The following AKT3 variants were observed in gnomAD, a reference collection of about 807,000 sequenced individuals.
AKT3 encodes the protein RAC-gamma serine/threonine-protein kinase.
A neutral mutation model predicts 65.3 loss-of-function variants in AKT3; 15 were observed. That is an observed-to-expected ratio of 0.23 (90% confidence interval 0.15 to 0.35). The LOEUF (loss-of-function observed/expected upper bound fraction) is 0.35, where lower values mean the gene tolerates loss of function less well. Among genes scored for constraint, AKT3 ranks in the 10% least tolerant of loss-of-function variants. The probability of loss-of-function intolerance (pLI) is 1.00; values close to 1 mark genes in which losing one functional copy is unlikely to be tolerated. For synonymous variants in AKT3, 206 were observed against 183.8 expected (o/e 1.12, Z -0.98); for missense variants, 243 against 576.5 (o/e 0.42, Z 5.92).
At position 243,815,235 on chromosome 1, in the gene AKT3, A is replaced by C. The variant is rs550990136; in HGVS notation, c.46+27890T>G. On this transcript the variant is annotated intron_variant, in intron 2 of 13. Transcript: ENST00000673466. The stretch of plus-strand genomic sequence containing the variant: ...CTTTTACATTTTATACATAAGTAGC[A>C]AGAAGAAACCAGGTAGCTTCTTCAA... Among the ~76,000 whole-genome samples, 13 of 152,284 alleles carry C rather than the reference A, an allele frequency of 8.5e-5. No individual in the cohort carries two copies. The East Asian group carries it at 2.3e-3, about 27-fold the overall frequency.
intron 10 of AKT3, 86 bp downstream of exon 10, chr1:243,563,634 C>G: frequency 6.8e-7 from 1 of 1,475,468 alleles, no homozygotes; most frequent in African/African-American, 1.4e-5. Context: ...GTAGTAGATA[C>G]TACAGTTAAC....
intron 13 of AKT3, among the ~76,000 whole-genome samples, chr1:243,489,482 G>A (rs1473684610): frequency 2.0e-5 from 3 of 152,204 alleles, no homozygotes; most frequent in Non-Finnish European, 4.4e-5. Flanking sequence ...CTTTTTGGAG[G>A]ATGGTGGCCT....
intron 2 of AKT3, among the ~76,000 whole-genome samples, chr1:243,755,309 A>C (rs1689064023): frequency 6.6e-6 from 1 of 151,326 alleles, no homozygotes; most frequent in African/African-American, 2.4e-5. Context: ...TCCTGAGCCC[A>C]AGTGATCTGC....
At chr1:243,533,363 A>C (rs992797372) in intron 12 of AKT3, among the ~76,000 whole-genome samples, 2 of 152,200 alleles carry the variant, frequency 1.3e-5, no homozygotes, top group Admixed American at 1.3e-4. Context: ...GCAAGCCATT[A>C]AGCTATCAGT....
At chr1:243,498,797 G>A (rs1266388387), downstream of AKT3, among the ~76,000 whole-genome samples, 1 of 152,242 alleles carries the variant, frequency 6.6e-6, no homozygotes, top group Non-Finnish European at 1.5e-5. Context: ...TCACTGGAGA[G>A]GGGCAGGCCC....
chr1:243,800,619 G>A (rs1316084871), intron 2 of AKT3, among the ~76,000 whole-genome samples: 1 of 152,060 alleles, frequency 6.6e-6, no homozygotes, highest in Non-Finnish European at 1.5e-5. Context: ...TCGGGAGGCT[G>A]AGGCAGGAGA....
At chr1:243,747,622 A>G (rs1286173122) in intron 2 of AKT3, among the ~76,000 whole-genome samples, 3 of 152,202 alleles carry the variant, frequency 2.0e-5, no homozygotes, top group Non-Finnish European at 4.4e-5. Flanking sequence ...TTAAAGGGAG[A>G]TATCTTCAAT....
At chr1:243,520,097 T>C (rs996818246) in intron 12 of AKT3, among the ~76,000 whole-genome samples, 6 of 152,200 alleles carry the variant, frequency 3.9e-5, no homozygotes, top group African/African-American at 1.4e-4. Context: ...AATTAGTATG[T>C]TTAAACCCTA....
intron 6 of AKT3, among the ~76,000 whole-genome samples, chr1:243,623,212 A>G (rs574622326): frequency 5.9e-5 from 9 of 152,174 alleles, no homozygotes; most frequent in African/African-American, 2.2e-4. Flanking sequence ...TTGGAATCTG[A>G]GCATCTCAGG....
intron 2 of AKT3, among the ~76,000 whole-genome samples, chr1:243,795,478 T>TG (rs1558818064): frequency 3.8e-5 from 5 of 132,552 alleles, no homozygotes; most frequent in African/African-American, 5.5e-5. Context: ...TTTTTTTGGT[T>TG]TTTTTTTTTT....
At chr1:243,542,540 AAATT>A (rs757943421) in intron 12 of AKT3, among the ~76,000 whole-genome samples, 1 of 152,228 alleles carries the variant, frequency 6.6e-6, no homozygotes, top group African/African-American at 2.4e-5. Context: ...ATGTGATAAT[AAATT>A]AAGAATAAAT....
intron 2 of AKT3, among the ~76,000 whole-genome samples, chr1:243,817,465 G>T (rs1693599353): frequency 6.6e-6 from 1 of 152,224 alleles, no homozygotes; most frequent in African/African-American, 2.4e-5. Flanking sequence ...TTGAGGCCAG[G>T]CGTGGTGGCT....
rs1689638969 is a variant in AKT3 at position 243,763,709 on chromosome 1, C to T, written c.47-67993G>A. ...TGTACTTATCAGAACCTCATAACTG[C>T]ATATAATTTTGTAAGTATATTCAAA... is the stretch of plus-strand genomic sequence containing the variant. On this transcript the variant is annotated intron_variant, in intron 2 of 13. Transcript: ENST00000673466. 2.6e-5 allele frequency among the ~76,000 whole-genome samples: 4 copies of T among 152,078 alleles called. No homozygotes were observed. The South Asian group carries it at 8.3e-4, about 32-fold the overall frequency.
chr1:243,717,024 C>G (rs1350663441), intron 2 of AKT3, among the ~76,000 whole-genome samples: 1 of 152,178 alleles, frequency 6.6e-6, no homozygotes, highest in Non-Finnish European at 1.5e-5. Context: ...TGTCCCTGGT[C>G]TCTCTCCCAT....
chr1:243,811,721 C>T (rs557262027), intron 2 of AKT3, among the ~76,000 whole-genome samples: 1 of 152,162 alleles, frequency 6.6e-6, no homozygotes, highest in Non-Finnish European at 1.5e-5. Context: ...CAAGTCAATC[C>T]TAAGCCAAAA....
chr1:243,618,801 T>TA (rs1277249874), intron 6 of AKT3, among the ~76,000 whole-genome samples: 1 of 152,088 alleles, frequency 6.6e-6, no homozygotes, highest in Non-Finnish European at 1.5e-5. Context: ...ACACACGATC[T>TA]AAAGTTCTCC....
rs1282783614 is a variant in AKT3 at position 243,519,854 on chromosome 1, A to C, written c.1252-7428T>G. Among the ~76,000 whole-genome samples the C allele has an allele frequency of 4.6e-5, 7 of 152,214 alleles. No individual in the cohort carries two copies. In the South Asian group the frequency reaches 1.4e-3, roughly 32 times the overall value. The stretch of plus-strand genomic sequence containing the variant: ...AAAAAAGACTGCACTGATATAGGTA[A>C]ATTACCAGGATGTTCAGCTCTTTAG... On this transcript the variant is annotated intron_variant, in intron 12 of 13. Transcript: ENST00000673466.
At chr1:243,573,822 G>C (rs938300125) in intron 8 of AKT3, among the ~76,000 whole-genome samples, 2 of 151,884 alleles carry the variant, frequency 1.3e-5, no homozygotes, top group African/African-American at 4.8e-5. Context: ...ACATTCACTG[G>C]GTGCTTACTG....
At position 243,695,060 on chromosome 1, in the gene AKT3, T is replaced by A. The variant is rs150414569; in HGVS notation, c.172+531A>T. Among the ~76,000 whole-genome samples, 229 of 152,120 alleles carry A rather than the reference T, an allele frequency of 1.5e-3. 1 individual carries two copies. Among genetic ancestry groups the A allele is most frequent in the African/African-American group, 5.3e-3 (221 of 41,572 alleles). On this transcript the variant is annotated intron_variant, in intron 3 of 13. Coordinates refer to ENST00000673466, the MANE Select transcript of AKT3 (RefSeq NM_005465.7). ...ATCATTGTCATCTTTCAGTTTATTT[T>A]GTGCTATGTTCATGCAAATACAAAA...
Sources: allele counts gnomAD v4.1 joint callset (sites outside exome capture counted in the v4.1 genomes callset), GRCh38; gene constraint gnomAD v4.1.1; transcripts MANE v1.5; gene names NCBI Gene and HGNC (gene_info 2026-07-23, HGNC 2026-07-21).